The following CELF2 variants were observed in gnomAD, a reference collection of about 807,000 sequenced individuals.
CELF2 encodes CUGBP Elav-like family member 2, also known as CUG triplet repeat RNA-binding protein 2.
Under a neutral mutation model 62.6 loss-of-function variants are expected in CELF2, and 8 were observed. That is an observed-to-expected ratio of 0.13 (90% confidence interval 0.07 to 0.23). The LOEUF (loss-of-function observed/expected upper bound fraction) is 0.23. Ranked by LOEUF, CELF2 falls within the 10% of genes least tolerant of loss-of-function variation. The pLI, the probability that CELF2 is intolerant of heterozygous loss-of-function variation, is 1.00. For missense variants in CELF2, 333 were observed against 671.0 expected (o/e 0.50, Z 5.56); for synonymous variants, 258 against 250.0 (o/e 1.03, Z -0.30).
chr10:11,301,229 T>C (rs1295570140), intron 9 of CELF2, among the ~76,000 whole-genome samples: 3 of 152,090 alleles, frequency 2.0e-5, no homozygotes, highest in African/African-American at 4.8e-5. Context: ...CTGGAATCTT[T>C]AGAAGGATGG....
chr10:11,211,805 AGAGAGAGAGTGTGTGTGT>A lies in CELF2; in HGVS notation c.272-5618_272-5601del, dbSNP rs1269887794. Among the ~76,000 whole-genome samples the A allele has an allele frequency of 1.7e-5, 2 of 119,856 alleles. No individual in the cohort carries two copies. Among genetic ancestry groups the A allele is most frequent in the Admixed American group, 8.4e-5 (1 of 11,972 alleles). 78.6% of individuals were successfully genotyped at this position (119,856 alleles called of 152,430 possible). A position where few individuals can be genotyped will look rare whatever the true frequency, so the allele number is the denominator to read the frequency against. On this transcript the variant is annotated intron_variant, in intron 2 of 12. Coordinates refer to ENST00000633077, the MANE Select transcript of CELF2 (RefSeq NM_001326342.2). The surrounding 1 kb of genome is among the most constrained non-coding windows in gnomAD (Gnocchi z 4.8). ...GTGTATGTGTGTGAGAGAGAGAGAG[AGAGAGAGAGTGTGTGTGT>A]GTGTGTGTGTGTGTGTGTGTGTGTG... is the stretch of plus-strand genomic sequence containing the variant.
chr10:11,296,639 G>C lies in CELF2; in HGVS notation c.976+8087G>C, dbSNP rs1263389785. On this transcript the variant is annotated intron_variant, in intron 9 of 12. Coordinates refer to ENST00000633077, the MANE Select transcript of CELF2 (RefSeq NM_001326342.2). This position sits in a 1 kb window ranked among gnomAD's most constrained non-coding sequence, Gnocchi z 5.0. ...TAGTTCAGATGTGGTTTAATCCCGAGAACCCGTCACCATCAACTAGATGCA... is the reference window on the plus strand; with the variant it reads ...TAGTTCAGATGTGGTTTAATCCCGACAACCCGTCACCATCAACTAGATGCA... 6.6e-6 allele frequency among the ~76,000 whole-genome samples: 1 copy of C among 152,120 alleles called. No homozygotes were observed. The highest frequency in any genetic ancestry group is 1.5e-5 in the Non-Finnish European group (1 of 68,038).
chr10:10,712,102 C>A, the CELF2 span, among the ~76,000 whole-genome samples: 2 of 137,864 alleles, frequency 1.5e-5, no homozygotes, highest in Admixed American at 7.9e-5. Context: ...GCATGTCTTC[C>A]CAGATTCACT....
chr10:11,007,728 G>A (rs2055545825), intron 1 of CELF2, among the ~76,000 whole-genome samples: 2 of 152,102 alleles, frequency 1.3e-5, no homozygotes, highest in Non-Finnish European at 2.9e-5. Context: ...CATGGGAAAT[G>A]TTTAATCCAA....
In CELF2 at chr10:11,290,203, G is replaced by C. The variant is rs904054338; in HGVS notation, c.976+1651G>C. Among the ~76,000 whole-genome samples, 1 of 152,188 alleles carries C rather than the reference G, an allele frequency of 6.6e-6. No homozygotes were observed. Among genetic ancestry groups the C allele is most frequent in the African/African-American group, 2.4e-5 (1 of 41,460 alleles). On this transcript the variant is annotated intron_variant, in intron 9 of 12. Coordinates refer to ENST00000633077, the MANE Select transcript of CELF2 (RefSeq NM_001326342.2). The surrounding 1 kb of genome is among the most constrained non-coding windows in gnomAD (Gnocchi z 4.3). ...GAGTCCTTCAGTCCTTCAGGGACTT[G>C]GACAAGAAGCAAAGCAATGAGTGTC...
chr10:10,783,893 C>T, the CELF2 span, among the ~76,000 whole-genome samples: 5 of 151,982 alleles, frequency 3.3e-5, no homozygotes, highest in African/African-American at 1.2e-4. Context: ...GAGGCTGAGG[C>T]AGGAGAATTG....
the CELF2 span, among the ~76,000 whole-genome samples, chr10:10,576,293 T>A: frequency 6.6e-6 from 1 of 152,190 alleles, no homozygotes; most frequent in Non-Finnish European, 1.5e-5. Context: ...TTGTAGTTAA[T>A]ATGAAATAAA....
At chr10:10,671,597 G>A in the CELF2 span, among the ~76,000 whole-genome samples, 1 of 152,162 alleles carries the variant, frequency 6.6e-6, no homozygotes, top group African/African-American at 2.4e-5. Context: ...CCAGCATTTG[G>A]TGTGGTCAAT....
chr10:11,231,987 C>T (rs577941162), intron 3 of CELF2, among the ~76,000 whole-genome samples: 30 of 151,674 alleles, frequency 2.0e-4, no homozygotes, highest in African/African-American at 5.8e-4. Flanking sequence ...TAAGTACCAC[C>T]GCCCCATCTT....
chr10:11,246,192 C>T lies in CELF2; in HGVS notation c.355-2961C>T, dbSNP rs1274151666. 6.6e-6 allele frequency among the ~76,000 whole-genome samples: 1 copy of T among 152,016 alleles called. No individual in the cohort carries two copies. Among genetic ancestry groups the T allele is most frequent in the African/African-American group, 2.4e-5 (1 of 41,372 alleles). On this transcript the variant is annotated intron_variant, in intron 3 of 12. Coordinates refer to ENST00000633077, the MANE Select transcript of CELF2 (RefSeq NM_001326342.2). This position sits in a 1 kb window ranked among gnomAD's most constrained non-coding sequence, Gnocchi z 4.6. ...CCCTGTTTTTTATGTGGATGCGTAT[C>T]GACCGCCATGATAGACTGCACACTC...
the CELF2 span, among the ~76,000 whole-genome samples, chr10:10,773,390 A>T: frequency 6.6e-6 from 1 of 152,222 alleles, no homozygotes; most frequent in Non-Finnish European, 1.5e-5. Context: ...CTTTTGCTTC[A>T]TGTTGTGATT....
intron 2 of CELF2, among the ~76,000 whole-genome samples, chr10:10,921,838 G>C (rs567424925): frequency 5.3e-5 from 8 of 152,206 alleles, no homozygotes; most frequent in Non-Finnish European, 1.2e-4. Context: ...TTACAGGCGT[G>C]AGCCCCCGCG....
chr10:10,927,379 T>C (rs1056705370), intron 2 of CELF2: 12 of 140,730 alleles, frequency 8.5e-5, no homozygotes, highest in Admixed American at 1.4e-4. Flanking sequence ...CCTTTTTCTG[T>C]TCTCAGACTT....
intron 10 of CELF2, chr10:11,320,711 GAA>G (rs2095391058): frequency 1.2e-6 from 1 of 841,328 alleles, no homozygotes; most frequent in East Asian, 2.6e-5. Context: ...CGGCCTAAGG[GAA>G]AAAAGTTTTA....
intron 2 of CELF2, among the ~76,000 whole-genome samples, chr10:10,943,337 A>T (rs184580471): frequency 1.3e-5 from 2 of 152,184 alleles, no homozygotes; most frequent in African/African-American, 4.8e-5. Flanking sequence ...GAACTCCCAC[A>T]TGGGGCCAAA....
intron 2 of CELF2, among the ~76,000 whole-genome samples, chr10:10,952,756 T>C (rs1056764480): frequency 1.3e-5 from 2 of 151,960 alleles, no homozygotes; most frequent in Non-Finnish European, 2.9e-5. Context: ...ATTTGTATAA[T>C]GTAATTATGG....
intron 2 of CELF2, among the ~76,000 whole-genome samples, chr10:10,925,780 T>C (rs991499357): frequency 6.6e-6 from 1 of 152,122 alleles, no homozygotes; most frequent in Admixed American, 6.5e-5. Context: ...GATTCACTGC[T>C]TGACTCAAAA....
intron 1 of CELF2, among the ~76,000 whole-genome samples, chr10:10,874,701 G>A (rs1173357335): frequency 6.6e-6 from 1 of 152,134 alleles, no homozygotes; most frequent in Non-Finnish European, 1.5e-5. Context: ...TGAAATTCCT[G>A]AAGGCTCAAC....
chr10:10,881,636 G>C (rs994030414), intron 1 of CELF2, among the ~76,000 whole-genome samples: 1 of 152,134 alleles, frequency 6.6e-6, no homozygotes, highest in Admixed American at 6.5e-5. Context: ...TCTGACTTTT[G>C]ATGAGAATAT....
Sources: gnomAD v4.1 joint callset for allele counts (sites outside exome capture counted in the v4.1 genomes callset) on GRCh38, gnomAD v4.1.1 for gene constraint, Gnocchi (gnomAD v3.1) non-coding constraint, MANE v1.5 for transcripts, NCBI Gene and HGNC (gene_info 2026-07-23, HGNC 2026-07-21) for gene names.